The following RAPGEF6 variants were observed in gnomAD, a reference collection of about 807,000 sequenced individuals.
RAPGEF6 encodes PDZ domain containing guanine nucleotide exchange factor (GEF) 2.
Under a neutral mutation model 171.4 loss-of-function variants are expected in RAPGEF6, and 56 were observed. The ratio of observed to expected loss-of-function variants is 0.33; its 90% confidence interval spans 0.26 to 0.41. The LOEUF is 0.41. Among genes scored for constraint, RAPGEF6 ranks in the 10% least tolerant of loss-of-function variants. RAPGEF6 has a pLI of 1.00. For synonymous variants in RAPGEF6, 692 were observed against 650.1 expected (o/e 1.06, Z -0.98); for missense variants, 1,674 against 1,921.4 (o/e 0.87, Z 2.41).
At chr5:131,487,547 G>A (rs1756000531) in intron 15 of RAPGEF6, among the ~76,000 whole-genome samples, 2 of 152,186 alleles carry the variant, frequency 1.3e-5, no homozygotes, top group South Asian at 4.1e-4. Flanking sequence ...TGCTGATTGT[G>A]CATTTACAAT....
At chr5:131,508,356 G>A in intron 8 of RAPGEF6, 149 bp from the exon 9 acceptor site, 3 of 780,062 alleles carry the variant, frequency 3.8e-6, no homozygotes, top group Non-Finnish European at 5.8e-6. Context: ...TTTGACCGTT[G>A]ATTTTTAAAA....
intron 25 of RAPGEF6, 90 bp from the exon 26 acceptor site, chr5:131,431,439 A>T (rs546518106): frequency 7.1e-7 from 1 of 1,398,774 alleles, no homozygotes; most frequent in South Asian, 1.4e-5. Flanking sequence ...GAGAAACTAC[A>T]GAGCACGTAC....
At position 131,629,118 on chromosome 5, in the gene RAPGEF6, C is replaced by T. The variant is rs527724605; in HGVS notation, c.69+5844G>A. Among the ~76,000 whole-genome samples the T allele has an allele frequency of 3.3e-5, 5 of 152,178 alleles. No individual in the cohort carries two copies. In the South Asian group the frequency reaches 1.0e-3, roughly 32 times the overall value. On this transcript the variant is annotated intron_variant, in intron 1 of 27. Coordinates refer to ENST00000509018, the MANE Select transcript of RAPGEF6 (RefSeq NM_016340.6). Reference sequence around the variant, plus strand: ...GCTACAGCTGACATAGACAGTGATTCCCTAACAGATCTGTGAAAAGAAAAT... The same window carrying T: ...GCTACAGCTGACATAGACAGTGATTTCCTAACAGATCTGTGAAAAGAAAAT...
In RAPGEF6 at chr5:131,510,558, A is replaced by C. The variant is rs1757653511; in HGVS notation, c.628-67T>G. 2.8e-6 allele frequency: 4 copies of C among 1,442,268 alleles called. No homozygotes were observed. In the Admixed American group the frequency reaches 7.8e-5, roughly 28 times the overall value. The allele number at this position is 1,442,268 out of a possible 1,614,324, so 89.3% of individuals were successfully genotyped here. A position where few individuals can be genotyped will look rare whatever the true frequency, so the allele number is the denominator to read the frequency against. ...AATATTATAAGTCACAGTCTGAATT[A>C]ATCAAAACTACCCATCCCTACAAAA... On this transcript the variant is annotated intron_variant, in intron 7 of 27. Transcript: ENST00000509018.
intron 5 of RAPGEF6, among the ~76,000 whole-genome samples, chr5:131,549,333 C>T (rs1239005405): frequency 6.6e-6 from 1 of 152,024 alleles, no homozygotes; most frequent in Admixed American, 6.5e-5. Context: ...CTTGATATTA[C>T]CAAAAATTTC....
chr5:131,538,550 T>C (rs1759925878), intron 6 of RAPGEF6, among the ~76,000 whole-genome samples: 1 of 152,184 alleles, frequency 6.6e-6, no homozygotes, highest in African/African-American at 2.4e-5. Flanking sequence ...TGGAAGGATG[T>C]GCATAGATTA....
At chr5:131,428,059 T>A (rs528790357) in intron 27 of RAPGEF6, among the ~76,000 whole-genome samples, 1 of 152,056 alleles carries the variant, frequency 6.6e-6, no homozygotes, top group Non-Finnish European at 1.5e-5. Flanking sequence ...GCCACGATCA[T>A]GCCACTGCAC....
intron 6 of RAPGEF6, among the ~76,000 whole-genome samples, chr5:131,545,126 C>T (rs1434305444): frequency 6.6e-6 from 1 of 151,962 alleles, no homozygotes; most frequent in East Asian, 1.9e-4. Context: ...TACAGAAGTG[C>T]TTATTCTACA....
intron 6 of RAPGEF6, among the ~76,000 whole-genome samples, chr5:131,531,704 A>T (rs1208075170): frequency 6.6e-6 from 1 of 152,218 alleles, no homozygotes; most frequent in African/African-American, 2.4e-5. Context: ...ATCATAATTT[A>T]TGACAGCATC....
chr5:131,440,544 C>T (rs1752313823), intron 23 of RAPGEF6, among the ~76,000 whole-genome samples: 1 of 151,748 alleles, frequency 6.6e-6, no homozygotes, highest in South Asian at 2.1e-4. Flanking sequence ...TCGAGACCAG[C>T]CTGGCCACCA....
intron 17 of RAPGEF6, among the ~76,000 whole-genome samples, chr5:131,465,907 C>T (rs929647285): frequency 6.6e-6 from 1 of 152,060 alleles, no homozygotes; most frequent in African/African-American, 2.4e-5. Flanking sequence ...TGTCCAGCAT[C>T]ACCTTCTTAG....
At position 131,465,308 on chromosome 5, in the gene RAPGEF6, A is replaced by AC. The variant is rs543288128; in HGVS notation, c.2240-1028dup. Among the ~76,000 whole-genome samples the AC allele has an allele frequency of 1.4e-3, 210 of 151,734 alleles. 2 individuals are homozygous for AC. The highest frequency in any genetic ancestry group is 9.2e-3 in the South Asian group (44 of 4,800). On this transcript the variant is annotated intron_variant, in intron 17 of 27. Transcript: ENST00000509018. Reference sequence around the variant, plus strand: ...AAGCACATGTAAATAATAATATTCCACCCCCCCTTGTTCTATCTTATTTCT... The same window carrying AC: ...AAGCACATGTAAATAATAATATTCCACCCCCCCCTTGTTCTATCTTATTTCT...
chr5:131,426,707 CACCTCT>C lies in RAPGEF6; in HGVS notation c.*553_*558del. 1 of 157,422 alleles carries C rather than the reference CACCTCT, an allele frequency of 6.4e-6. No individual in the cohort carries two copies. Among genetic ancestry groups the C allele is most frequent in the Non-Finnish European group, 1.4e-5 (1 of 71,742 alleles). The allele number at this position is 157,422 out of a possible 1,614,324, so 9.8% of individuals were successfully genotyped here. A position where few individuals can be genotyped will look rare whatever the true frequency, so the allele number is the denominator to read the frequency against. The stretch of plus-strand genomic sequence containing the variant: ...ACATCTCTGTGTAGATCAAGCATAT[CACCTCT>C]GTAAAGATGACTTCTGTTTGGTCAG... On this transcript the variant is annotated 3_prime_UTR_variant, in exon 28 of 28. Transcript: ENST00000509018.
chr5:131,532,870 G>A (rs904546520), intron 6 of RAPGEF6: 5 of 152,478 alleles, frequency 3.3e-5, no homozygotes, highest in Non-Finnish European at 7.4e-5. Context: ...AGCTTTTCTG[G>A]TTAAACATTT....
At chr5:131,518,021 T>C (rs1328728744) in intron 7 of RAPGEF6, among the ~76,000 whole-genome samples, 2 of 152,066 alleles carry the variant, frequency 1.3e-5, no homozygotes, top group Non-Finnish European at 2.9e-5. Context: ...TAAATAAAAA[T>C]GTTCGTTTAA....
intron 17 of RAPGEF6, among the ~76,000 whole-genome samples, chr5:131,467,302 TATC>T (rs1754427239): frequency 6.6e-6 from 1 of 152,226 alleles, no homozygotes; most frequent in Admixed American, 6.5e-5. Flanking sequence ...TTGATTCAGG[TATC>T]ACACATGGGT....
intron 7 of RAPGEF6, among the ~76,000 whole-genome samples, chr5:131,510,767 A>G (rs957926939): frequency 7.2e-5 from 11 of 152,222 alleles, no homozygotes; most frequent in Non-Finnish European, 1.5e-4. Flanking sequence ...AAATGTATTA[A>G]TATCTGTTTT....
chr5:131,522,479 T>C (rs1254505335), intron 6 of RAPGEF6, among the ~76,000 whole-genome samples: 1 of 152,208 alleles, frequency 6.6e-6, no homozygotes, highest in East Asian at 1.9e-4. Flanking sequence ...ACACACATAG[T>C]GTATATTAAA....
chr5:131,500,642 C>G (rs919500245), intron 11 of RAPGEF6, among the ~76,000 whole-genome samples: 1 of 152,116 alleles, frequency 6.6e-6, no homozygotes, highest in Non-Finnish European at 1.5e-5. Context: ...ATGCATATGT[C>G]TCTGTCTGGC....
Sources: allele counts gnomAD v4.1 joint callset (sites outside exome capture counted in the v4.1 genomes callset), GRCh38; gene constraint gnomAD v4.1.1; transcripts MANE v1.5; gene names NCBI Gene and HGNC (gene_info 2026-07-23, HGNC 2026-07-21).